Variants in ADGRG6 observed in about 807,000 individuals in gnomAD.
The protein encoded by ADGRG6 is adhesion G protein-coupled receptor G6.
In ADGRG6, 84 loss-of-function variants were observed where a neutral mutation model predicts 142.4. The observed-to-expected ratio is 0.59, with a 90% CI of 0.49 to 0.71. The LOEUF is 0.71. Among genes scored for constraint, ADGRG6 ranks in the 30% least tolerant of loss-of-function variants. ADGRG6 has a pLI of 0.00. For missense variants in ADGRG6, 1,367 were observed against 1,466.6 expected, an observed-to-expected ratio of 0.93 and a Z score of 1.11; for synonymous variants, 521 against 520.5, an observed-to-expected ratio of 1.00 and a Z score of -0.01.
At chr6:142,335,383 A>G (rs2114686376) in intron 2 of ADGRG6, among the ~76,000 whole-genome samples, 1 of 152,278 alleles carries the variant, frequency 6.6e-6, no homozygotes, top group East Asian at 1.9e-4. Flanking sequence ...TAGGTGAGAA[A>G]ATCGAAGGCC....
chr6:142,393,427 T>A (rs1775011913), intron 8 of ADGRG6, among the ~76,000 whole-genome samples: 1 of 152,112 alleles, frequency 6.6e-6, no homozygotes, highest in Non-Finnish European at 1.5e-5. Flanking sequence ...TTCGAAATTA[T>A]CCTTCACTGT....
chr6:142,417,557 T>C (rs950062590), intron 21 of ADGRG6, among the ~76,000 whole-genome samples, 188 bp downstream of exon 21: 4 of 152,192 alleles, frequency 2.6e-5, no homozygotes, highest in African/African-American at 9.6e-5. Flanking sequence ...CACTTTTTCA[T>C]ATTAACATTG....
chr6:142,343,825 G>C (rs9376687), intron 2 of ADGRG6, among the ~76,000 whole-genome samples: 12,800 of 151,826 alleles, frequency 0.084, 611 homozygotes, highest in East Asian at 0.22. Flanking sequence ...GAATTATCTG[G>C]CAGAAGAAAA....
At chr6:142,387,281 G>C (rs1782077926) in intron 6 of ADGRG6, among the ~76,000 whole-genome samples, 1 of 152,132 alleles carries the variant, frequency 6.6e-6, no homozygotes, top group Admixed American at 6.5e-5. Context: ...AAGCTTTTGT[G>C]AGGTTGTCAC....
intron 24 of ADGRG6, among the ~76,000 whole-genome samples, chr6:142,442,916 A>T (rs1207293858): frequency 6.6e-6 from 1 of 152,094 alleles, no homozygotes; most frequent in African/African-American, 2.4e-5. Context: ...ATACACCCCT[A>T]CCCATTTTTC....
In ADGRG6 at chr6:142,422,627, G is replaced by T. The variant is rs111485042; in HGVS notation, c.3319+2523G>T. On this transcript the variant is annotated intron_variant, in intron 22 of 24. Coordinates refer to ENST00000367609, the MANE Select transcript of ADGRG6 (RefSeq NM_198569.3). The stretch of plus-strand genomic sequence containing the variant: ...GTGAATAATGCCACAATAAACATAC[G>T]TGTGCATGTGTCTTTATAGCAGCAT... 4.9e-3 allele frequency among the ~76,000 whole-genome samples: 645 copies of T among 132,894 alleles called. 1 individual carries two copies. The highest frequency in any genetic ancestry group is 0.013 in the African/African-American group (417 of 30,906). The allele number at this position is 132,894 out of a possible 152,430, so 87.2% of individuals were successfully genotyped here. A position where few individuals can be genotyped will look rare whatever the true frequency, so the allele number is the denominator to read the frequency against.
chr6:142,419,789 CTT>C, intron 21 of ADGRG6, 30 bp from the exon 22 acceptor site: 1 of 1,543,932 alleles, frequency 6.5e-7, no homozygotes, highest in East Asian at 2.3e-5. Context: ...GGTAATAAAT[CTT>C]TTTTTCTTTC....
chr6:142,374,845 A>G (rs1781424489), intron 4 of ADGRG6, among the ~76,000 whole-genome samples: 2 of 152,248 alleles, frequency 1.3e-5, no homozygotes, highest in South Asian at 2.1e-4. Context: ...ATATAGGTAT[A>G]CATTGTGGAA....
At position 142,426,804 on chromosome 6, in the gene ADGRG6, G is replaced by A. The variant is rs578026853; in HGVS notation, c.3319+6700G>A. 9.2e-5 allele frequency among the ~76,000 whole-genome samples: 14 copies of A among 152,272 alleles called. No individual in the cohort carries two copies. The South Asian group carries it at 2.7e-3, about 29-fold the overall frequency. On this transcript the variant is annotated intron_variant, in intron 22 of 24. Transcript: ENST00000367609. ...TCCCAAACCTCAATTCTTGACTTCT[G>A]TGCACCCACAGGCTCAACACCATAT...
intron 6 of ADGRG6, among the ~76,000 whole-genome samples, chr6:142,386,737 T>G (rs1782047625): frequency 6.6e-6 from 1 of 152,234 alleles, no homozygotes; most frequent in African/African-American, 2.4e-5. Flanking sequence ...TCCAACCTGC[T>G]TATTCCATCC....
At chr6:142,313,421 C>T (rs1037768082) in intron 2 of ADGRG6, among the ~76,000 whole-genome samples, 8 of 152,072 alleles carry the variant, frequency 5.3e-5, no homozygotes, top group African/African-American at 1.9e-4. Flanking sequence ...AGAGCCAATA[C>T]ATTTCTAAGC....
Position 142,393,927 on chromosome 6 carries a change from A to G in ADGRG6, c.1393A>G (p.Lys465Glu). 1 of 1,563,376 alleles carries G rather than the reference A, an allele frequency of 6.4e-7. No homozygotes were observed. The highest frequency in any genetic ancestry group is 8.7e-7 in the Non-Finnish European group (1 of 1,151,256). ...CCTGAGTGCTGGAGAGGACAAGATT[A>G]AAGTCAAGAGAAGCCTTGAGGATGA... ...FHLSAGEDKI[K>E]VKRSLEDEPR... The change falls in exon 9 of 25, where the codon AAA becomes GAA. Residue 465 changes from lysine to glutamate, a missense_variant. Coordinates refer to ENST00000367609, the MANE Select transcript of ADGRG6 (RefSeq NM_198569.3).
intron 5 of ADGRG6, among the ~76,000 whole-genome samples, chr6:142,382,530 TACG>T (rs749156753): frequency 5.3e-5 from 8 of 152,202 alleles, no homozygotes; most frequent in Non-Finnish European, 1.2e-4. Flanking sequence ...TGTTAATTAT[TACG>T]ATGCTTACTA....
Position 142,334,908 on chromosome 6 carries a change from A to G in ADGRG6, c.103+25264A>G, listed in dbSNP as rs985776832. On this transcript the variant is annotated intron_variant, in intron 2 of 24. Transcript: ENST00000367609. ...AATAATATGTTAGAGGGAAATAAAC[A>G]AAATATAAGATTTTTTGAAAGCCAT... Among the ~76,000 whole-genome samples the G allele has an allele frequency of 2.6e-5, 4 of 152,238 alleles. 1 individual carries two copies. Among genetic ancestry groups the G allele is most frequent in the South Asian group, 4.1e-4 (2 of 4,836 alleles).
intron 2 of ADGRG6, among the ~76,000 whole-genome samples, chr6:142,346,297 C>T (rs1779898098): frequency 6.6e-6 from 1 of 152,158 alleles, no homozygotes; most frequent in Admixed American, 6.6e-5. Flanking sequence ...TTCTCCACAT[C>T]CTCTCCAGCA....
rs568849175 is a variant in ADGRG6 at position 142,341,440 on chromosome 6, A to ATATATATAG, written c.104-26111_104-26103dup. 8.3e-3 allele frequency among the ~76,000 whole-genome samples: 991 copies of ATATATATAG among 119,376 alleles called. 21 individuals carry two copies. The highest frequency in any genetic ancestry group is 0.031 in the African/African-American group (941 of 30,522). 78.3% of individuals were successfully genotyped at this position (119,376 alleles called of 152,430 possible). A position where few individuals can be genotyped will look rare whatever the true frequency, so the allele number is the denominator to read the frequency against. On this transcript the variant is annotated intron_variant, in intron 2 of 24. Transcript: ENST00000367609. ...ATATAATTATATAATATATATAATTATATATATAGTATATATAGTATATAT... is the reference window on the plus strand; with the variant it reads ...ATATAATTATATAATATATATAATTATATATATAGTATATATAGTATATATAGTATATAT...
At chr6:142,337,529 CTTGCT>C (rs1779375512) in intron 2 of ADGRG6, among the ~76,000 whole-genome samples, 2 of 152,140 alleles carry the variant, frequency 1.3e-5, no homozygotes, top group African/African-American at 2.4e-5. Context: ...GAGCTCAAGG[CTTGCT>C]TTACTCTCGG....
At chr6:142,349,100 C>A (rs1195077817) in intron 2 of ADGRG6, among the ~76,000 whole-genome samples, 1 of 152,218 alleles carries the variant, frequency 6.6e-6, no homozygotes, top group East Asian at 1.9e-4. Flanking sequence ...ATCTTTTTCT[C>A]ACTTCAATAC....
chr6:142,400,579 T>G lies in ADGRG6; in HGVS notation c.1662T>G (p.Phe554Leu), dbSNP rs2115011322. ...YVLPCPDKPG[F>L]SASRICFYNA... Reference sequence around the variant, plus strand: ...TTCCTTGTCCAGACAAGCCTGGCTTTTCTGCTTCTCGGATATGGTAATATT... The same window carrying G: ...TTCCTTGTCCAGACAAGCCTGGCTTGTCTGCTTCTCGGATATGGTAATATT... The change falls in exon 11 of 25, where the codon TTT (phenylalanine) becomes TTG (leucine). Residue 554 changes from phenylalanine (F) to leucine (L), a missense_variant. Phe to Leu is a conservative substitution (Grantham distance 22). This residue lies in a region of ADGRG6 where 737 missense variants were observed against 746.5 expected (regional missense o/e 0.99). Coordinates refer to ENST00000367609, the MANE Select transcript of ADGRG6 (RefSeq NM_198569.3). The G allele has an allele frequency of 6.4e-7, 1 of 1,574,714 alleles. No individual in the cohort carries two copies. The highest frequency in any genetic ancestry group is 1.1e-5 in the South Asian group (1 of 89,930).
Sources: gnomAD v4.1 joint callset for allele counts (sites outside exome capture counted in the v4.1 genomes callset) on GRCh38, gnomAD v4.1.1 for gene constraint, gnomAD v4.1.1 regional missense constraint, MANE v1.5 for transcripts, NCBI Gene and HGNC (gene_info 2026-07-23, HGNC 2026-07-21) for gene names.